Variants in FBXO8 observed in about 807,000 individuals in gnomAD.
FBXO8 encodes F-box protein 8.
Under a neutral mutation model 33.4 loss-of-function variants are expected in FBXO8, and 15 were observed. The observed-to-expected ratio is 0.45, with a 90% CI of 0.30 to 0.69. FBXO8 has a LOEUF of 0.69. FBXO8 is among the 30% of genes least tolerant of loss of function. FBXO8 has a pLI of 0.08. For missense variants in FBXO8, 274 were observed against 380.3 expected, an observed-to-expected ratio of 0.72 and a Z score of 2.32; for synonymous variants, 132 against 131.5, an observed-to-expected ratio of 1.00 and a Z score of -0.02.
chr4:174,255,074 T>C lies in FBXO8; in HGVS notation c.456+4625A>G, dbSNP rs1714360750. Among the ~76,000 whole-genome samples, 1 of 152,122 alleles carries C rather than the reference T, an allele frequency of 6.6e-6. No homozygotes were observed. The highest frequency in any genetic ancestry group is 2.4e-5 in the African/African-American group (1 of 41,418). On this transcript the variant is annotated intron_variant, in intron 3 of 5. Coordinates refer to ENST00000393674, the MANE Select transcript of FBXO8 (RefSeq NM_012180.3). The surrounding 1 kb of genome is among the most constrained non-coding windows in gnomAD (Gnocchi z 4.3). The stretch of plus-strand genomic sequence containing the variant: ...TATTAACGGCTTTGAAAAGTTAGGC[T>C]GTAAATAAGCCAACTAATCATAATC...
At position 174,256,188 on chromosome 4, in the gene FBXO8, T is replaced by C. The variant is rs141243975; in HGVS notation, c.456+3511A>G. 22 of 453,198 alleles carry C rather than the reference T, an allele frequency of 4.9e-5. No individual in the cohort carries two copies. The East Asian group carries it at 1.5e-3, about 30-fold the overall frequency. The allele number at this position is 453,198 out of a possible 1,614,324, so 28.1% of individuals were successfully genotyped here. ...TTTATAATATTTTAATGATGTTTGC[T>C]ATCAAAATGTTAAGTACAATACTGG... On this transcript the variant is annotated intron_variant, in intron 3 of 5. Transcript: ENST00000393674. The surrounding 1 kb of genome is among the most constrained non-coding windows in gnomAD (Gnocchi z 4.6).
chr4:174,256,822 C>G lies in FBXO8; in HGVS notation c.456+2877G>C, dbSNP rs947440124. Among the ~76,000 whole-genome samples the G allele has an allele frequency of 6.6e-6, 1 of 151,936 alleles. No individual in the cohort carries two copies. Among genetic ancestry groups the G allele is most frequent in the African/African-American group, 2.4e-5 (1 of 41,358 alleles). The stretch of plus-strand genomic sequence containing the variant: ...TCAAGACACATTGAGTGGCTCAGCT[C>G]TATGCCTCCTGGGAGTACTACATGG... On this transcript the variant is annotated intron_variant, in intron 3 of 5. Transcript: ENST00000393674. This position sits in a 1 kb window ranked among gnomAD's most constrained non-coding sequence, Gnocchi z 4.6.
chr4:174,271,545 T>G (rs1041807758), intron 1 of FBXO8, among the ~76,000 whole-genome samples: 8 of 152,116 alleles, frequency 5.3e-5, no homozygotes, highest in Non-Finnish European at 1.2e-4. Context: ...TCTAGAATGC[T>G]TAGGTATGTA....
At chr4:174,280,316 C>T (rs1407130227) in intron 1 of FBXO8, among the ~76,000 whole-genome samples, 1 of 151,456 alleles carries the variant, frequency 6.6e-6, no homozygotes, top group East Asian at 1.9e-4. Flanking sequence ...AAGATAGTTA[C>T]TATCGAAAAA....
At position 174,255,468 on chromosome 4, in the gene FBXO8, C is replaced by A. The variant is rs1407273459; in HGVS notation, c.456+4231G>T. 6.6e-6 allele frequency among the ~76,000 whole-genome samples: 1 copy of A among 151,852 alleles called. No homozygotes were observed. The highest frequency in any genetic ancestry group is 6.6e-5 in the Admixed American group (1 of 15,226). ...ATAAGTTGCATATTCATTTCTACCT[C>A]AAACATGTGGATAGGTCAAATTTAA... On this transcript the variant is annotated intron_variant, in intron 3 of 5. Coordinates refer to ENST00000393674, the MANE Select transcript of FBXO8 (RefSeq NM_012180.3). This position sits in a 1 kb window ranked among gnomAD's most constrained non-coding sequence, Gnocchi z 4.3.
At position 174,278,655 on chromosome 4, in the gene FBXO8, T is replaced by C. The variant is rs1049568256; in HGVS notation, c.-9+4755A>G. On this transcript the variant is annotated intron_variant, in intron 1 of 5. Transcript: ENST00000393674. The surrounding 1 kb of genome is among the most constrained non-coding windows in gnomAD (Gnocchi z 4.1). ...AAGTGGCTGTAATCAGCTGTAGTCATGGTAGCATATCCTAACCCACCTTCT... is the reference window on the plus strand; with the variant it reads ...AAGTGGCTGTAATCAGCTGTAGTCACGGTAGCATATCCTAACCCACCTTCT... 6.6e-6 allele frequency among the ~76,000 whole-genome samples: 1 copy of C among 152,108 alleles called. No individual in the cohort carries two copies. The highest frequency in any genetic ancestry group is 1.5e-5 in the Non-Finnish European group (1 of 67,952).
chr4:174,268,653 G>T (rs984100491), intron 1 of FBXO8, among the ~76,000 whole-genome samples: 2 of 152,256 alleles, frequency 1.3e-5, no homozygotes, highest in East Asian at 1.9e-4. Context: ...AGCCAGGATG[G>T]TCTCCATCTC....
At chr4:174,238,324 A>G (rs543221212) in intron 5 of FBXO8, among the ~76,000 whole-genome samples, 9 of 151,956 alleles carry the variant, frequency 5.9e-5, no homozygotes, top group Non-Finnish European at 5.9e-5. Flanking sequence ...TATAGTGCTG[A>G]TATTTCGGAA....
chr4:174,269,861 G>A (rs1237275394), intron 1 of FBXO8, among the ~76,000 whole-genome samples: 1 of 152,076 alleles, frequency 6.6e-6, no homozygotes, highest in Non-Finnish European at 1.5e-5. Flanking sequence ...AAACGAATAT[G>A]ATCCCAGAAT....
chr4:174,277,004 T>G lies in FBXO8; in HGVS notation c.-9+6406A>C, dbSNP rs1202117343. On this transcript the variant is annotated intron_variant, in intron 1 of 5. Coordinates refer to ENST00000393674, the MANE Select transcript of FBXO8 (RefSeq NM_012180.3). This position sits in a 1 kb window ranked among gnomAD's most constrained non-coding sequence, Gnocchi z 4.9. ...AGCAGTATGTAGTTTCTGAAACAGC[T>G]ATATTGTTCTGACATAATTTTGGAT... Among the ~76,000 whole-genome samples the G allele has an allele frequency of 6.6e-6, 1 of 152,226 alleles. No individual in the cohort carries two copies. The highest frequency in any genetic ancestry group is 1.5e-5 in the Non-Finnish European group (1 of 68,028).
In FBXO8 at chr4:174,240,681, A is replaced by G. The variant is rs185500683; in HGVS notation, c.575+419T>C. Among the ~76,000 whole-genome samples the G allele has an allele frequency of 9.7e-3, 1,476 of 151,786 alleles. 9 individuals are homozygous for G. Among genetic ancestry groups the G allele is most frequent in the Middle Eastern group, 0.017 (5 of 294 alleles). ...GTCTACATGCAAATATATATACCTT[A>G]TATCCCTAGGATTTGGGGTTTATGA... On this transcript the variant is annotated intron_variant, in intron 4 of 5. Transcript: ENST00000393674.
Position 174,259,145 on chromosome 4 carries a change from T to C in FBXO8, c.456+554A>G, listed in dbSNP as rs1254334171. On this transcript the variant is annotated intron_variant, in intron 3 of 5. Coordinates refer to ENST00000393674, the MANE Select transcript of FBXO8 (RefSeq NM_012180.3). This position sits in a 1 kb window ranked among gnomAD's most constrained non-coding sequence, Gnocchi z 4.3. ...TCACATTTTGATCATGCTTACATGT[T>C]ATGTTAAGAAAGAATTAAATAATTA... 6.6e-6 allele frequency among the ~76,000 whole-genome samples: 1 copy of C among 151,892 alleles called. No homozygotes were observed. Among genetic ancestry groups the C allele is most frequent in the Admixed American group, 6.6e-5 (1 of 15,254 alleles).
In FBXO8 at chr4:174,237,415, T is replaced by C. The variant is rs773925894; in HGVS notation, c.957A>G (p.Ala319=). 1.9e-6 allele frequency: 3 copies of C among 1,610,428 alleles called. No individual in the cohort carries two copies. The highest frequency in any genetic ancestry group is 1.1e-5 in the South Asian group (1 of 90,778). The part of the protein sequence containing the change: ...DNIYLIGHVA[A] ...GAAGTCCTAGCAATTGTGCTTTTTA[T>C]GCAGCCACATGGCCAATAAGGTAGA... is the stretch of plus-strand genomic sequence containing the variant. The change falls in exon 6 of 6, where the codon GCA becomes GCG. Residue 319 remains alanine, a synonymous_variant. Coordinates refer to ENST00000393674, the MANE Select transcript of FBXO8 (RefSeq NM_012180.3). The surrounding 1 kb of genome is among the most constrained non-coding windows in gnomAD (Gnocchi z 4.4).
rs997777302 is a variant in FBXO8, at chr4:174,275,686, A to G, written c.-9+7724T>C. On this transcript the variant is annotated intron_variant, in intron 1 of 5. Coordinates refer to ENST00000393674, the MANE Select transcript of FBXO8 (RefSeq NM_012180.3). The surrounding 1 kb of genome is among the most constrained non-coding windows in gnomAD (Gnocchi z 4.4). ...ATGAATGCTTTAAAGAGGGTGAGCA[A>G]AGACATGGGAAGTCTACCATCATTT... Among the ~76,000 whole-genome samples the G allele has an allele frequency of 6.6e-6, 1 of 152,200 alleles. No homozygotes were observed. Among genetic ancestry groups the G allele is most frequent in the Non-Finnish European group, 1.5e-5 (1 of 68,014 alleles).
chr4:174,261,108 C>T lies in FBXO8; in HGVS notation c.330-1283G>A, dbSNP rs1455948156. 1.3e-5 allele frequency among the ~76,000 whole-genome samples: 2 copies of T among 151,882 alleles called. No individual in the cohort carries two copies. The highest frequency in any genetic ancestry group is 4.8e-5 in the African/African-American group (2 of 41,402). On this transcript the variant is annotated intron_variant, in intron 2 of 5. Coordinates refer to ENST00000393674, the MANE Select transcript of FBXO8 (RefSeq NM_012180.3). This position sits in a 1 kb window ranked among gnomAD's most constrained non-coding sequence, Gnocchi z 4.1. ...TTTACCCACCAAATGAAATCACTGA[C>T]TCAAAACTGTAAGTATAAAAAATTG...
intron 1 of FBXO8, among the ~76,000 whole-genome samples, chr4:174,269,814 T>A (rs540351638): frequency 1.3e-5 from 2 of 152,308 alleles, no homozygotes; most frequent in East Asian, 3.9e-4. Context: ...CTTTATAAAT[T>A]GGATGAAGCA....
In FBXO8 at chr4:174,255,585, G is replaced by C. The variant is rs142054688; in HGVS notation, c.456+4114C>G. ...AATACCAGAAAAATGTGCTTACATA[G>C]TCATTAAAAAAAAAAACTTGTTATC... On this transcript the variant is annotated intron_variant, in intron 3 of 5. Coordinates refer to ENST00000393674, the MANE Select transcript of FBXO8 (RefSeq NM_012180.3). This position sits in a 1 kb window ranked among gnomAD's most constrained non-coding sequence, Gnocchi z 4.3. 6.7e-6 allele frequency among the ~76,000 whole-genome samples: 1 copy of C among 149,692 alleles called. No individual in the cohort carries two copies.
At chr4:174,248,563 T>A (rs563954026) in intron 3 of FBXO8, among the ~76,000 whole-genome samples, 2 of 152,092 alleles carry the variant, frequency 1.3e-5, no homozygotes, top group Non-Finnish European at 2.9e-5. Context: ...GAGCACACAC[T>A]GTCCACACTG....
chr4:174,238,746 TATAC>T (rs1560863855), intron 5 of FBXO8, among the ~76,000 whole-genome samples: 1 of 138,902 alleles, frequency 7.2e-6, no homozygotes, highest in Admixed American at 7.4e-5. Context: ...AATGGCTATA[TATAC>T]ATAGCCATGT....
Sources: allele counts gnomAD v4.1 joint callset (sites outside exome capture counted in the v4.1 genomes callset), GRCh38; gene constraint gnomAD v4.1.1; non-coding constraint Gnocchi (gnomAD v3.1); transcripts MANE v1.5; gene names NCBI Gene and HGNC (gene_info 2026-07-23, HGNC 2026-07-21).